The following MIPOL1 variants were observed in gnomAD, a reference collection of about 807,000 sequenced individuals.
The protein encoded by MIPOL1 is mirror-image polydactyly 1.
A neutral mutation model predicts 60.9 loss-of-function variants in MIPOL1; 57 were observed. The observed-to-expected ratio is 0.94, with a 90% CI of 0.76 to 1.17. MIPOL1 has a LOEUF of 1.17. Ranked by LOEUF, MIPOL1 falls within the 50% of genes most tolerant of loss-of-function variation. MIPOL1 has a pLI of 0.00. For synonymous variants in MIPOL1, 179 were observed against 168.8 expected (o/e 1.06, Z -0.47); for missense variants, 551 against 511.6 (o/e 1.08, Z -0.74).
At chr14:37,304,514 G>A (rs1044526318) in intron 7 of MIPOL1, among the ~76,000 whole-genome samples, 13 of 151,736 alleles carry the variant, frequency 8.6e-5, no homozygotes, top group African/African-American at 1.2e-4. Flanking sequence ...GTGTGGTGGT[G>A]TGTAGAAAAT....
At chr14:37,294,077 A>C (rs2085371076) in intron 7 of MIPOL1, among the ~76,000 whole-genome samples, 1 of 152,106 alleles carries the variant, frequency 6.6e-6, no homozygotes, top group Admixed American at 6.6e-5. Context: ...GCGGACTGAC[A>C]CCTCACACGG....
intron 9 of MIPOL1, among the ~76,000 whole-genome samples, chr14:37,367,449 G>A (rs2092509080): frequency 1.3e-5 from 2 of 151,904 alleles, no homozygotes; most frequent in South Asian, 4.1e-4. Flanking sequence ...ATGTAGTTTG[G>A]AAAAATCCCT....
chr14:37,328,036 G>A (rs1287021389), intron 9 of MIPOL1, among the ~76,000 whole-genome samples: 2 of 93,396 alleles, frequency 2.1e-5, no homozygotes, highest in African/African-American at 6.1e-5. Context: ...TTTTGAGACA[G>A]AGTTTCGCTC....
At chr14:37,372,317 T>C (rs1376250896) in intron 10 of MIPOL1, among the ~76,000 whole-genome samples, 1 of 152,184 alleles carries the variant, frequency 6.6e-6, no homozygotes, top group Non-Finnish European at 1.5e-5. Context: ...TTTAATAATC[T>C]AGTGTCATTT....
At chr14:37,403,459 A>G (rs1360811917) in intron 10 of MIPOL1, among the ~76,000 whole-genome samples, 3 of 103,166 alleles carry the variant, frequency 2.9e-5, no homozygotes, top group African/African-American at 3.8e-5. Context: ...TTTTTCAAGT[A>G]GAGATGGAGT....
chr14:37,229,229 T>C (rs1190159652), intron 1 of MIPOL1, among the ~76,000 whole-genome samples: 8 of 152,186 alleles, frequency 5.3e-5, no homozygotes, highest in Admixed American at 5.2e-4. Context: ...TGATCTCAGC[T>C]CACTGTAACC....
intron 6 of MIPOL1, chr14:37,276,579 T>C (rs551170365): frequency 5.7e-4 from 87 of 151,320 alleles, no homozygotes; most frequent in African/African-American, 2.0e-3. Flanking sequence ...CAGATGATGT[T>C]GACCATCTAA....
At chr14:37,467,927 G>A (rs550780737) in intron 11 of MIPOL1, among the ~76,000 whole-genome samples, 42 of 151,738 alleles carry the variant, frequency 2.8e-4, no homozygotes, top group East Asian at 2.5e-3. Context: ...GGTGGTGTGC[G>A]CCTGTAATCC....
chr14:37,416,595 T>A (rs2093774238), intron 10 of MIPOL1, among the ~76,000 whole-genome samples: 1 of 152,108 alleles, frequency 6.6e-6, no homozygotes, highest in African/African-American at 2.4e-5. Context: ...GGAACTATAG[T>A]CTTATATGTG....
intron 8 of MIPOL1, 22 bp downstream of exon 8, chr14:37,308,111 T>TCTTA (rs1228324316): frequency 8.1e-6 from 13 of 1,603,614 alleles, no homozygotes; most frequent in Non-Finnish European, 1.0e-5. Flanking sequence ...TCTGAGGAGA[T>TCTTA]TTCTTGATGT....
At chr14:37,240,233 C>T (rs537147732) in intron 1 of MIPOL1, among the ~76,000 whole-genome samples, 2 of 152,120 alleles carry the variant, frequency 1.3e-5, no homozygotes, top group African/African-American at 4.8e-5. Context: ...TATGGAAAAT[C>T]GCTAAATGGT....
intron 9 of MIPOL1, among the ~76,000 whole-genome samples, chr14:37,338,185 C>T (rs1317089114): frequency 6.7e-6 from 1 of 149,778 alleles, no homozygotes; most frequent in Middle Eastern, 3.5e-3. Context: ...TGGCTCACTG[C>T]AAGCTCCACC....
chr14:37,551,242 C>G lies in MIPOL1; in HGVS notation c.*4271C>G, dbSNP rs2095561060. 6.6e-6 allele frequency: 1 copy of G among 151,946 alleles called. No homozygotes were observed. The highest frequency in any genetic ancestry group is 6.6e-5 in the Admixed American group (1 of 15,252). The allele number at this position is 151,946 out of a possible 1,614,324, so 9.4% of individuals were successfully genotyped here. ...TATTTACTTTGTACTCAAATAAAAT[C>G]CCCTATTGCAAATCCTATACATATT... On this transcript the variant is annotated 3_prime_UTR_variant, in exon 13 of 13. Coordinates refer to ENST00000684589, the MANE Select transcript of MIPOL1 (RefSeq NM_001388067.1).
At chr14:37,390,086 G>A (rs565336981) in intron 10 of MIPOL1, among the ~76,000 whole-genome samples, 119 of 152,002 alleles carry the variant, frequency 7.8e-4, no homozygotes, top group Non-Finnish European at 1.3e-3. Context: ...AGGCATGGTG[G>A]TGGGCACCTG....
At chr14:37,466,727 T>C (rs2094603083) in intron 11 of MIPOL1, among the ~76,000 whole-genome samples, 1 of 152,150 alleles carries the variant, frequency 6.6e-6, no homozygotes, top group Admixed American at 6.5e-5. Context: ...AGCACAACTT[T>C]GAAAGAAATA....
intron 10 of MIPOL1, among the ~76,000 whole-genome samples, chr14:37,420,307 A>G (rs1472717402): frequency 1.3e-5 from 2 of 152,146 alleles, no homozygotes; most frequent in Admixed American, 6.6e-5. Context: ...TACATTGTAT[A>G]TTCTCTTACA....
At chr14:37,467,092 A>G (rs2094607912) in intron 11 of MIPOL1, among the ~76,000 whole-genome samples, 1 of 152,244 alleles carries the variant, frequency 6.6e-6, no homozygotes, top group African/African-American at 2.4e-5. Context: ...CATGTTTAAC[A>G]TTATCAGACT....
At chr14:37,337,358 T>TA (rs2090238688) in intron 9 of MIPOL1, among the ~76,000 whole-genome samples, 2 of 41,980 alleles carry the variant, frequency 4.8e-5, no homozygotes, top group African/African-American at 1.5e-4. Flanking sequence ...ATATATATAT[T>TA]TTTTTTTTTT....
chr14:37,398,206 A>AGG (rs1377212735), intron 10 of MIPOL1, among the ~76,000 whole-genome samples: 2 of 152,212 alleles, frequency 1.3e-5, no homozygotes, highest in African/African-American at 2.4e-5. Flanking sequence ...GCTCCAGGTA[A>AGG]TTTCGGAAAC....
Sources: allele counts gnomAD v4.1 joint callset (sites outside exome capture counted in the v4.1 genomes callset), GRCh38; gene constraint gnomAD v4.1.1; transcripts MANE v1.5; gene names NCBI Gene and HGNC (gene_info 2026-07-23, HGNC 2026-07-21).